Variants in DSCAM observed in about 807,000 individuals in gnomAD.
The protein encoded by DSCAM is cell adhesion molecule DSCAM.
In DSCAM, 47 loss-of-function variants were observed where a neutral mutation model predicts 217.7. The observed-to-expected ratio is 0.22, with a 90% confidence interval of 0.17 to 0.28. DSCAM has a LOEUF of 0.28. Among genes scored for constraint, DSCAM ranks in the 10% least tolerant of loss-of-function variants. The pLI is 1.00. For synonymous variants in DSCAM, 1,056 were observed against 1,015.3 expected, an observed-to-expected ratio of 1.04 and a Z score of -0.76; for missense variants, 2,080 against 2,618.3, an observed-to-expected ratio of 0.79 and a Z score of 4.49.
At chr21:40,572,297 A>AT (rs1227586802) in intron 3 of DSCAM, among the ~76,000 whole-genome samples, 7 of 152,198 alleles carry the variant, frequency 4.6e-5, no homozygotes, top group African/African-American at 1.7e-4. Flanking sequence ...TTAAGTATAC[A>AT]TACTGTAATT....
At chr21:40,813,411 C>T (rs539915542) in intron 1 of DSCAM, among the ~76,000 whole-genome samples, 6 of 152,248 alleles carry the variant, frequency 3.9e-5, no homozygotes, top group African/African-American at 1.4e-4. Flanking sequence ...GTCTATTTGG[C>T]ACTTTCAGGC....
At position 40,525,009 on chromosome 21, in the gene DSCAM, C is replaced by CAAAAAAAA. The variant is rs58427418; in HGVS notation, c.509-155772_509-155765dup. 9.8e-3 allele frequency among the ~76,000 whole-genome samples: 549 copies of CAAAAAAAA among 56,054 alleles called. 39 individuals carry two copies. The highest frequency in any genetic ancestry group is 0.027 in the African/African-American group (467 of 17,078). 36.8% of individuals were successfully genotyped at this position (56,054 alleles called of 152,430 possible). On this transcript the variant is annotated intron_variant, in intron 3 of 32. Coordinates refer to ENST00000400454, the MANE Select transcript of DSCAM (RefSeq NM_001389.5). ...TGGGCAACAGAGTGAGACTCAGTCT[C>CAAAAAAAA]AAAAAAAAAAAAAAAAAAAAAATCC...
At chr21:40,824,691 C>T (rs951403406) in intron 1 of DSCAM, among the ~76,000 whole-genome samples, 2 of 152,088 alleles carry the variant, frequency 1.3e-5, no homozygotes, top group African/African-American at 2.4e-5. Context: ...GCTGGGATTA[C>T]AGGCACCACC....
At chr21:40,720,990 A>T (rs1379523708) in intron 1 of DSCAM, among the ~76,000 whole-genome samples, 1 of 152,216 alleles carries the variant, frequency 6.6e-6, no homozygotes, top group Admixed American at 6.5e-5. Context: ...CACCAGAAAG[A>T]AGTGGGTGAA....
At chr21:40,256,733 A>G (rs543361128) in intron 11 of DSCAM, among the ~76,000 whole-genome samples, 1 of 152,320 alleles carries the variant, frequency 6.6e-6, no homozygotes, top group Non-Finnish European at 1.5e-5. Flanking sequence ...CATCTAAGAA[A>G]TACCTTCACA....
intron 6 of DSCAM, among the ~76,000 whole-genome samples, chr21:40,340,091 C>T (rs951549801): frequency 1.3e-5 from 2 of 152,128 alleles, no homozygotes; most frequent in Non-Finnish European, 2.9e-5. Flanking sequence ...TTAAAAACCT[C>T]TAAAGATATC....
rs200149289 is a variant in DSCAM, at chr21:40,039,309, C to CA, written c.5686+3061dup. On this transcript the variant is annotated intron_variant, in intron 32 of 32. Transcript: ENST00000400454. The stretch of plus-strand genomic sequence containing the variant: ...TAAATTATGCAGATGAAATAAAAAT[C>CA]AAAAAAAAAAAGAATGGAAAATAAG... 8.1e-3 allele frequency among the ~76,000 whole-genome samples: 1,086 copies of CA among 133,558 alleles called. 6 individuals carry two copies. The highest frequency in any genetic ancestry group is 0.028 in the African/African-American group (878 of 30,916). 87.6% of individuals were successfully genotyped at this position (133,558 alleles called of 152,430 possible).
intron 8 of DSCAM, among the ~76,000 whole-genome samples, chr21:40,318,736 A>C (rs1296867941): frequency 6.6e-6 from 1 of 152,208 alleles, no homozygotes; most frequent in African/African-American, 2.4e-5. Flanking sequence ...GGGAGTGATA[A>C]GGATATTGCT....
chr21:40,527,913 G>T (rs534014704), intron 3 of DSCAM, among the ~76,000 whole-genome samples: 2 of 152,242 alleles, frequency 1.3e-5, no homozygotes, highest in South Asian at 4.2e-4. Flanking sequence ...GTGGAAACAG[G>T]AGCGGATGCT....
chr21:40,077,245 T>C (rs964406671), intron 26 of DSCAM, among the ~76,000 whole-genome samples: 26 of 152,152 alleles, frequency 1.7e-4, no homozygotes, highest in African/African-American at 5.1e-4. Context: ...CTCAAGGTCT[T>C]CCTACAGCCC....
At chr21:40,134,733 C>T (rs910635871) in intron 18 of DSCAM, among the ~76,000 whole-genome samples, 5 of 152,182 alleles carry the variant, frequency 3.3e-5, no homozygotes, top group African/African-American at 4.8e-5. Flanking sequence ...TGGATACATA[C>T]ATCAAAACAA....
Position 40,012,685 on chromosome 21 carries a change from G to GT in DSCAM, c.*348dup, listed in dbSNP as rs755521849. ...AATAGGCTGATTTCCCACCCACCCT[G>GT]TTTTCTTTCTTGCCTCTTGTGTGAT... On this transcript the variant is annotated 3_prime_UTR_variant, in exon 33 of 33. Transcript: ENST00000400454. The GT allele has an allele frequency of 3.1e-4, 50 of 161,662 alleles. No homozygotes were observed. The highest frequency in any genetic ancestry group is 5.8e-4 in the Non-Finnish European group (43 of 74,672). 10.0% of individuals were successfully genotyped at this position (161,662 alleles called of 1,614,324 possible). A position where few individuals can be genotyped will look rare whatever the true frequency, so the allele number is the denominator to read the frequency against.
At chr21:40,260,671 T>C (rs1487786779) in intron 11 of DSCAM, among the ~76,000 whole-genome samples, 3 of 152,204 alleles carry the variant, frequency 2.0e-5, no homozygotes, top group East Asian at 1.9e-4. Context: ...CTTATTTCCA[T>C]GTACCCATTC....
chr21:40,512,766 GC>G (rs2076270012), intron 3 of DSCAM, among the ~76,000 whole-genome samples: 1 of 151,980 alleles, frequency 6.6e-6, no homozygotes, highest in South Asian at 2.1e-4. Context: ...CCTGGGCAAG[GC>G]CTCCCCCGAG....
At chr21:40,659,559 T>C (rs1251729725) in intron 3 of DSCAM, among the ~76,000 whole-genome samples, 1 of 146,644 alleles carries the variant, frequency 6.8e-6, no homozygotes, top group Non-Finnish European at 1.5e-5. Context: ...TATATGCCTA[T>C]CTATTTATCT....
chr21:40,742,914 T>A (rs1281680110), intron 1 of DSCAM, among the ~76,000 whole-genome samples: 4 of 152,182 alleles, frequency 2.6e-5, no homozygotes, highest in African/African-American at 4.8e-5. Flanking sequence ...GAAATACAAT[T>A]ATCAAAAAAG....
intron 3 of DSCAM, among the ~76,000 whole-genome samples, chr21:40,638,067 GAGAACATCATAGAACTT>G (rs1163690400): frequency 6.6e-6 from 1 of 152,116 alleles, no homozygotes; most frequent in Non-Finnish European, 1.5e-5. Flanking sequence ...ATAGTTCTAT[GAGAACATCATAGAACTT>G]AGTCTTTCTT....
chr21:40,671,638 G>A (rs1025369466), intron 3 of DSCAM, among the ~76,000 whole-genome samples: 7 of 141,058 alleles, frequency 5.0e-5, no homozygotes, highest in Admixed American at 2.2e-4. Context: ...GCAGTGAGCC[G>A]AGATTGCACT....
At chr21:40,477,194 C>G (rs1384275566) in intron 3 of DSCAM, among the ~76,000 whole-genome samples, 4 of 151,862 alleles carry the variant, frequency 2.6e-5, no homozygotes, top group Non-Finnish European at 5.9e-5. Context: ...ACAATATTCA[C>G]AAATAAAGAG....
Sources: allele counts gnomAD v4.1 joint callset (sites outside exome capture counted in the v4.1 genomes callset), GRCh38; gene constraint gnomAD v4.1.1; transcripts MANE v1.5; gene names NCBI Gene and HGNC (gene_info 2026-07-23, HGNC 2026-07-21).